The following PLEKHS1 variants were observed in gnomAD, a reference collection of about 807,000 sequenced individuals.
PLEKHS1 encodes pleckstrin homology domain-containing family S member 1.
Under a neutral mutation model 51.0 loss-of-function variants are expected in PLEKHS1, and 55 were observed. The ratio of observed to expected loss-of-function variants is 1.08; its 90% CI spans 0.87 to 1.35. PLEKHS1 has a LOEUF of 1.35. Among genes scored for constraint, PLEKHS1 ranks in the 40% most tolerant of loss-of-function variants. The probability of loss-of-function intolerance (pLI) is 0.00; values close to 1 mark genes in which losing one functional copy is unlikely to be tolerated. For synonymous variants in PLEKHS1, 153 were observed against 144.8 expected (o/e 1.06, Z -0.41); for missense variants, 398 against 423.0 (o/e 0.94, Z 0.52).
chr10:113,755,542 C>G, intron 2 of PLEKHS1: 1 of 679,182 alleles, frequency 1.5e-6, no homozygotes, highest in Non-Finnish European at 2.0e-6. Flanking sequence ...GGAGCTGGCA[C>G]TACAGGCATA....
chr10:113,774,789 G>A, intron 9 of PLEKHS1, 37 bp from the exon 10 acceptor site: 1 of 1,573,602 alleles, frequency 6.4e-7, no homozygotes, highest in South Asian at 1.1e-5. Flanking sequence ...AAAAACACAT[G>A]CTAAAATAGG....
downstream of PLEKHS1, chr10:113,782,603 G>A (rs887331939): frequency 2.6e-5 from 4 of 152,174 alleles, no homozygotes; most frequent in Non-Finnish European, 5.9e-5. Context: ...AAGTTCTCGT[G>A]AGATCTGGTT....
At chr10:113,772,127 A>G in intron 8 of PLEKHS1, 38 bp downstream of exon 8, 2 of 1,606,696 alleles carry the variant, frequency 1.2e-6, no homozygotes, top group South Asian at 2.2e-5. Context: ...TGTTTCTTTA[A>G]CAAATATTTA....
intron 4 of PLEKHS1, 110 bp from the exon 5 acceptor site, chr10:113,767,235 C>T: frequency 1.3e-6 from 1 of 759,178 alleles, no homozygotes; most frequent in East Asian, 3.3e-5. Flanking sequence ...ATCTTGGAAA[C>T]ATGGATCCAG....
intron 7 of PLEKHS1, among the ~76,000 whole-genome samples, chr10:113,770,808 T>C (rs1204767022): frequency 1.3e-5 from 2 of 152,182 alleles, no homozygotes; most frequent in Non-Finnish European, 2.9e-5. Flanking sequence ...ATAACATTAT[T>C]GGTCACTTTG....
intron 7 of PLEKHS1, 144 bp from the exon 8 acceptor site, chr10:113,771,826 T>A: frequency 1.1e-6 from 1 of 938,162 alleles, no homozygotes. Flanking sequence ...CAAGTTCAAG[T>A]TGTGTGAGCT....
chr10:113,756,913 CTT>C (rs397845343), intron 2 of PLEKHS1, among the ~76,000 whole-genome samples: 33 of 109,892 alleles, frequency 3.0e-4, no homozygotes, highest in South Asian at 9.1e-4. Context: ...TTAGATTGGT[CTT>C]TTTTTTTTTT....
intron 2 of PLEKHS1, among the ~76,000 whole-genome samples, chr10:113,759,112 T>A (rs941980586): frequency 2.6e-5 from 4 of 152,104 alleles, no homozygotes; most frequent in Middle Eastern, 3.2e-3. Context: ...ATCATCAAGA[T>A]GGTAAATGTG....
chr10:113,780,469 G>A (rs1844830267), intron 11 of PLEKHS1, 133 bp from the exon 13 acceptor site: 1 of 810,960 alleles, frequency 1.2e-6, no homozygotes, highest in African/African-American at 1.7e-5. Flanking sequence ...TCTATTTCTG[G>A]CCCAGATATT....
intron 11 of PLEKHS1, chr10:113,777,251 CAGA>C (rs1844714997): frequency 6.2e-7 from 1 of 1,612,798 alleles, no homozygotes; most frequent in Non-Finnish European, 8.5e-7. Context: ...CCGGTCCATC[CAGA>C]AGGAGGTGAG....
chr10:113,761,418 G>A lies in PLEKHS1; in HGVS notation c.29-4993G>A, dbSNP rs114589147. 8.3e-3 allele frequency among the ~76,000 whole-genome samples: 1,249 copies of A among 151,198 alleles called. 15 individuals carry two copies. Among genetic ancestry groups the A allele is most frequent in the African/African-American group, 0.029 (1,198 of 41,274 alleles). On this transcript the variant is annotated intron_variant, in intron 2 of 11. Transcript: ENST00000361048. ...ATTAAGTCTTTCAATTCATAAATAT[G>A]GAATGTTTTCCCATTAATTTATGTC...
At chr10:113,757,321 T>TA (rs1309125576) in intron 2 of PLEKHS1, among the ~76,000 whole-genome samples, 1 of 152,188 alleles carries the variant, frequency 6.6e-6, no homozygotes, top group Non-Finnish European at 1.5e-5. Context: ...ATATGAAACA[T>TA]ATACAAGCAC....
exon 2 of PLEKHS1, chr10:113,755,297 A>C (rs1854057880): frequency 3.7e-6 from 6 of 1,609,252 alleles, no homozygotes; most frequent in Non-Finnish European, 5.1e-6. Flanking sequence ...AAACCTCAGA[A>C]GAGTCCAGGT....
At chr10:113,774,953 C>T (rs1189583418) in exon 10 of PLEKHS1, 1 of 1,614,160 alleles carries the variant, frequency 6.2e-7, no homozygotes, top group Non-Finnish European at 8.5e-7. Flanking sequence ...GTGTCTTTCC[C>T]CTGCCGATGT....
At chr10:113,757,448 G>T (rs1022518088) in intron 2 of PLEKHS1, among the ~76,000 whole-genome samples, 1 of 152,176 alleles carries the variant, frequency 6.6e-6, no homozygotes, top group African/African-American at 2.4e-5. Flanking sequence ...CTATACTGTA[G>T]TCGAGTGTGT....
chr10:113,770,269 T>C (rs918373110), intron 7 of PLEKHS1, among the ~76,000 whole-genome samples: 3 of 152,232 alleles, frequency 2.0e-5, no homozygotes, highest in African/African-American at 7.2e-5. Flanking sequence ...CCATTCTGTC[T>C]GTACTCCTCA....
At position 113,763,432 on chromosome 10, in the gene PLEKHS1, G is replaced by A. The variant is rs118041879; in HGVS notation, c.29-2979G>A. Among the ~76,000 whole-genome samples, 305 of 152,050 alleles carry A rather than the reference G, an allele frequency of 2.0e-3. 8 individuals carry two copies. The East Asian group carries it at 0.044, about 22-fold the overall frequency. The stretch of plus-strand genomic sequence containing the variant: ...TAATTGAGGTGTTTAGACCATTTAC[G>A]TTTAACATAATTACTGATATAGTCA... On this transcript the variant is annotated intron_variant, in intron 2 of 11. Transcript: ENST00000361048.
intron 1 of PLEKHS1, among the ~76,000 whole-genome samples, chr10:113,753,779 A>C (rs1593000270): frequency 6.7e-6 from 1 of 150,362 alleles, no homozygotes; most frequent in Non-Finnish European, 1.5e-5. Flanking sequence ...TAGGATTTTC[A>C]TCTCTGAACA....
At position 113,773,444 on chromosome 10, in the gene PLEKHS1, A is replaced by ATAAATAAATAAATAAATAAATAAG. The variant is rs1461103367; in HGVS notation, c.673-780_673-779insATAAATAAATAAATAAATAAGTAA. On this transcript the variant is annotated intron_variant, in intron 8 of 11. Transcript: ENST00000361048. ...AGACCAAAGATAAATAAATAAATAA[A>ATAAATAAATAAATAAATAAATAAG]TAAGTAAAAAAACTATGCAATGGAA... 5.2e-3 allele frequency among the ~76,000 whole-genome samples: 788 copies of ATAAATAAATAAATAAATAAATAAG among 152,186 alleles called. 7 individuals are homozygous for ATAAATAAATAAATAAATAAATAAG. Among genetic ancestry groups the ATAAATAAATAAATAAATAAATAAG allele is most frequent in the African/African-American group, 0.018 (750 of 41,444 alleles).
Sources: gnomAD v4.1 joint callset for allele counts (sites outside exome capture counted in the v4.1 genomes callset) on GRCh38, gnomAD v4.1.1 for gene constraint, MANE v1.5 for transcripts, NCBI Gene and HGNC (gene_info 2026-07-23, HGNC 2026-07-21) for gene names.